Variants in DCLK1 observed in about 807,000 individuals in gnomAD.
DCLK1 encodes the protein doublecortin like kinase 1.
A neutral mutation model predicts 86.2 loss-of-function variants in DCLK1; 16 were observed. The ratio of observed to expected loss-of-function variants is 0.19; its 90% CI spans 0.13 to 0.28. DCLK1 has a LOEUF of 0.28. Among genes scored for constraint, DCLK1 ranks in the 10% least tolerant of loss-of-function variants. The pLI, the probability that DCLK1 is intolerant of heterozygous loss-of-function variation, is 1.00. For missense variants in DCLK1, 590 were observed against 940.2 expected (o/e 0.63, Z 4.87); for synonymous variants, 369 against 370.5 (o/e 1.00, Z 0.05).
At chr13:36,099,108 CA>C (rs768079231) in intron 3 of DCLK1, among the ~76,000 whole-genome samples, 66 of 152,070 alleles carry the variant, frequency 4.3e-4, no homozygotes, top group Non-Finnish European at 7.2e-4. Flanking sequence ...GCTGGTATTA[CA>C]GGTGCGTGCC....
chr13:36,024,580 A>G (rs1446874082), intron 3 of DCLK1, among the ~76,000 whole-genome samples: 2 of 152,248 alleles, frequency 1.3e-5, no homozygotes, highest in Non-Finnish European at 2.9e-5. Context: ...AAGAAATTAA[A>G]GAAGTCCAAA....
At chr13:35,863,743 A>G (rs1191441204) in intron 5 of DCLK1, among the ~76,000 whole-genome samples, 1 of 152,230 alleles carries the variant, frequency 6.6e-6, no homozygotes, top group Non-Finnish European at 1.5e-5. Flanking sequence ...ATAGCTGGCA[A>G]TCTGCCTTTG....
chr13:35,804,526 G>C (rs763615850), intron 15 of DCLK1, among the ~76,000 whole-genome samples: 1 of 151,798 alleles, frequency 6.6e-6, no homozygotes, highest in Non-Finnish European at 1.5e-5. Flanking sequence ...TCTGCCTCCC[G>C]GGTTCAAGTT....
chr13:35,769,271 T>C lies in DCLK1; in HGVS notation c.*5264A>G, dbSNP rs566675169. 3.3e-5 allele frequency: 5 copies of C among 152,214 alleles called. No individual in the cohort carries two copies. The highest frequency in any genetic ancestry group is 7.3e-5 in the Non-Finnish European group (5 of 68,038). 9.4% of individuals were successfully genotyped at this position (152,214 alleles called of 1,614,324 possible). On this transcript the variant is annotated 3_prime_UTR_variant, in exon 17 of 17. Transcript: ENST00000360631. ...TGCAGCAAGTGATAAATTCAGTATT[T>C]TCAAAAGAAATATTGAATTTTTTTC...
intron 4 of DCLK1, among the ~76,000 whole-genome samples, chr13:35,899,936 T>C (rs1335515728): frequency 4.6e-5 from 7 of 152,218 alleles, no homozygotes; most frequent in Admixed American, 3.3e-4. Context: ...AAAATGAACA[T>C]ATATTTAACA....
intron 4 of DCLK1, among the ~76,000 whole-genome samples, chr13:35,899,195 A>C (rs1189736937): frequency 6.6e-6 from 1 of 152,204 alleles, no homozygotes; most frequent in African/African-American, 2.4e-5. Flanking sequence ...TATTATCAAA[A>C]TGAAGATAAA....
At chr13:35,789,979 T>C (rs1334525205) in intron 16 of DCLK1, among the ~76,000 whole-genome samples, 1 of 152,110 alleles carries the variant, frequency 6.6e-6, no homozygotes, top group Admixed American at 6.6e-5. Context: ...TTCTAAGGAA[T>C]GCAATGCCTT....
At chr13:35,891,775 C>T (rs552690902) in intron 4 of DCLK1, among the ~76,000 whole-genome samples, 43 of 152,288 alleles carry the variant, frequency 2.8e-4, no homozygotes, top group African/African-American at 1.0e-3. Context: ...ACTCTAGAAA[C>T]ATTTGGTTTT....
At chr13:36,102,043 G>A (rs567271498) in intron 3 of DCLK1, among the ~76,000 whole-genome samples, 3 of 152,006 alleles carry the variant, frequency 2.0e-5, no homozygotes, top group East Asian at 3.9e-4. Flanking sequence ...GCACCTGGCC[G>A]ATAGTGAGGT....
At chr13:36,041,060 A>C (rs186876086) in intron 3 of DCLK1, among the ~76,000 whole-genome samples, 1 of 152,176 alleles carries the variant, frequency 6.6e-6, no homozygotes, top group East Asian at 1.9e-4. Context: ...GTTCCCTTTC[A>C]TTGGAGAATG....
chr13:36,066,611 T>A lies in DCLK1; in HGVS notation c.723+45258A>T, dbSNP rs369010218. Reference sequence around the variant, plus strand: ...ACAGCTAAAGAAACTATCATCAGAGTGAACAGGCAACCTACAAAATGGGAG... The same window carrying A: ...ACAGCTAAAGAAACTATCATCAGAGAGAACAGGCAACCTACAAAATGGGAG... On this transcript the variant is annotated intron_variant, in intron 3 of 16. Coordinates refer to ENST00000360631, the MANE Select transcript of DCLK1 (RefSeq NM_001330071.2). Among the ~76,000 whole-genome samples the A allele has an allele frequency of 3.2e-4, 48 of 151,920 alleles. 1 individual carries two copies. Among genetic ancestry groups the A allele is most frequent in the East Asian group, 2.3e-3 (12 of 5,140 alleles).
At chr13:35,900,614 T>C (rs1874295798) in intron 4 of DCLK1, among the ~76,000 whole-genome samples, 1 of 152,214 alleles carries the variant, frequency 6.6e-6, no homozygotes. Flanking sequence ...TACACTACTT[T>C]ACAGCAGTGT....
At chr13:35,825,549 A>G (rs2087501235) in intron 10 of DCLK1, among the ~76,000 whole-genome samples, 1 of 152,054 alleles carries the variant, frequency 6.6e-6, no homozygotes, top group East Asian at 1.9e-4. Context: ...GCCATCTTGA[A>G]ATTTCATTTA....
At chr13:35,810,228 C>T (rs985855862) in intron 12 of DCLK1, among the ~76,000 whole-genome samples, 1 of 152,162 alleles carries the variant, frequency 6.6e-6, no homozygotes, top group South Asian at 2.1e-4. Context: ...ATCAAACCAT[C>T]GACTGGAAGA....
rs767200557 is a variant in DCLK1, at chr13:35,954,211, CT to C, written c.724-6755del. On this transcript the variant is annotated intron_variant, in intron 3 of 16. Transcript: ENST00000360631. The stretch of plus-strand genomic sequence containing the variant: ...TTACCAAAAAGGAATGCTTACACTG[CT>C]TTTTTTTTAAAAAAAAATCTAGTTA... Among the ~76,000 whole-genome samples, 852 of 151,748 alleles carry C rather than the reference CT, an allele frequency of 5.6e-3. 10 individuals carry two copies. The highest frequency in any genetic ancestry group is 0.019 in the African/African-American group (807 of 41,396).
chr13:36,086,743 A>G (rs1884621274), intron 3 of DCLK1, among the ~76,000 whole-genome samples: 2 of 152,020 alleles, frequency 1.3e-5, no homozygotes, highest in South Asian at 2.1e-4. Context: ...CTCTTGTGTT[A>G]GTTTGCTGAG....
chr13:35,920,741 C>T (rs1318148534), intron 4 of DCLK1, among the ~76,000 whole-genome samples: 4 of 152,134 alleles, frequency 2.6e-5, no homozygotes, highest in Admixed American at 6.5e-5. Flanking sequence ...TGGGAGGTGC[C>T]GGGAGGAGGG....
At chr13:36,072,058 C>T (rs1883993997) in intron 3 of DCLK1, among the ~76,000 whole-genome samples, 1 of 152,182 alleles carries the variant, frequency 6.6e-6, no homozygotes, top group Non-Finnish European at 1.5e-5. Context: ...TCCTTCCCAG[C>T]TTCCTCTCCA....
chr13:35,945,719 T>C (rs1421778930), intron 4 of DCLK1, among the ~76,000 whole-genome samples: 3 of 152,154 alleles, frequency 2.0e-5, no homozygotes, highest in Non-Finnish European at 4.4e-5. Context: ...TTCTACACAA[T>C]GGCAAAGCTG....
Sources: allele counts gnomAD v4.1 joint callset (sites outside exome capture counted in the v4.1 genomes callset), GRCh38; gene constraint gnomAD v4.1.1; transcripts MANE v1.5; gene names NCBI Gene and HGNC (gene_info 2026-07-23, HGNC 2026-07-21).